The following HS6ST3 variants were observed in gnomAD, a reference collection of about 807,000 sequenced individuals.
HS6ST3 encodes the protein heparan-sulfate 6-O-sulfotransferase 3.
In HS6ST3, 12 loss-of-function variants were observed where a neutral mutation model predicts 36.7. That is an observed-to-expected ratio of 0.33 (90% CI 0.21 to 0.53). The LOEUF is 0.53. Ranked by LOEUF, HS6ST3 falls within the 20% of genes least tolerant of loss-of-function variation. The probability of loss-of-function intolerance (pLI) is 0.95; values close to 1 mark genes in which losing one functional copy is unlikely to be tolerated. For synonymous variants in HS6ST3, 240 were observed against 257.5 expected, an observed-to-expected ratio of 0.93 and a Z score of 0.65; for missense variants, 584 against 640.9, an observed-to-expected ratio of 0.91 and a Z score of 0.96.
intron 1 of HS6ST3, among the ~76,000 whole-genome samples, chr13:96,521,445 G>C (rs1295409225): frequency 2.0e-5 from 3 of 152,064 alleles, no homozygotes; most frequent in Admixed American, 2.0e-4. Context: ...CTCTTTGTAC[G>C]TCTTGTAGAA....
chr13:96,702,424 A>G (rs1875313943), intron 1 of HS6ST3, among the ~76,000 whole-genome samples: 1 of 152,178 alleles, frequency 6.6e-6, no homozygotes, highest in Admixed American at 6.6e-5. Flanking sequence ...TACAGTTGGC[A>G]TTTTTTAAAA....
At chr13:96,149,364 A>G (rs1161188108) in intron 1 of HS6ST3, among the ~76,000 whole-genome samples, 1 of 152,154 alleles carries the variant, frequency 6.6e-6, no homozygotes, top group Non-Finnish European at 1.5e-5. Flanking sequence ...CATTTTTGTA[A>G]TGTCTTCATT....
chr13:96,193,732 G>T (rs1428324227), intron 1 of HS6ST3, among the ~76,000 whole-genome samples: 10 of 152,188 alleles, frequency 6.6e-5, no homozygotes, highest in Non-Finnish European at 1.5e-4. Context: ...GTTGGCAGTT[G>T]CTTTGATAAT....
At chr13:96,791,983 G>A (rs902523960) in intron 1 of HS6ST3, among the ~76,000 whole-genome samples, 2 of 151,820 alleles carry the variant, frequency 1.3e-5, no homozygotes, top group Non-Finnish European at 2.9e-5. Context: ...CATATACATT[G>A]CATTATATAT....
chr13:96,215,697 T>G lies in HS6ST3; in HGVS notation c.707+124128T>G, dbSNP rs543259545. On this transcript the variant is annotated intron_variant, in intron 1 of 1. Transcript: ENST00000376705. Reference sequence around the variant, plus strand: ...TATTTTTTTTTATCAAAGTAATATATGCTTATTGTAGAAGATTTAGAAAAT... The same window carrying G: ...TATTTTTTTTTATCAAAGTAATATAGGCTTATTGTAGAAGATTTAGAAAAT... 2.6e-5 allele frequency among the ~76,000 whole-genome samples: 4 copies of G among 152,254 alleles called. No individual in the cohort carries two copies. In the Middle Eastern group the frequency reaches 0.01, roughly 388 times the overall value.
chr13:96,675,243 T>C (rs2056695308), intron 1 of HS6ST3, among the ~76,000 whole-genome samples: 1 of 152,120 alleles, frequency 6.6e-6, no homozygotes, highest in Non-Finnish European at 1.5e-5. Context: ...CCTAAATCTC[T>C]ATCTAAACCC....
intron 1 of HS6ST3, among the ~76,000 whole-genome samples, chr13:96,556,674 A>AATACTGGT (rs2056242119): frequency 6.6e-6 from 1 of 152,170 alleles, no homozygotes; most frequent in African/African-American, 2.4e-5. Flanking sequence ...AATGCATTTT[A>AATACTGGT]ATACTGGTTG....
intron 1 of HS6ST3, among the ~76,000 whole-genome samples, chr13:96,753,485 T>C (rs889755620): frequency 1.3e-5 from 2 of 152,212 alleles, no homozygotes; most frequent in African/African-American, 4.8e-5. Context: ...TTAAATGTTA[T>C]CTATTTGTTA....
intron 1 of HS6ST3, among the ~76,000 whole-genome samples, chr13:96,253,497 A>G (rs761356925): frequency 7.9e-5 from 12 of 152,110 alleles, no homozygotes; most frequent in Non-Finnish European, 1.8e-4. Flanking sequence ...ATTTTTTTGC[A>G]TCATTGGTAT....
At chr13:96,220,996 T>G (rs979623359) in intron 1 of HS6ST3, among the ~76,000 whole-genome samples, 4 of 152,168 alleles carry the variant, frequency 2.6e-5, no homozygotes, top group Admixed American at 6.6e-5. Context: ...ATTGAACATC[T>G]TAAATATTAT....
chr13:96,409,726 T>C (rs962237596), intron 1 of HS6ST3, among the ~76,000 whole-genome samples: 7 of 152,202 alleles, frequency 4.6e-5, no homozygotes, highest in African/African-American at 1.4e-4. Context: ...CAAGCGGATC[T>C]ATCTATTTTG....
chr13:96,382,180 G>A (rs945286584), intron 1 of HS6ST3, among the ~76,000 whole-genome samples: 3 of 152,126 alleles, frequency 2.0e-5, no homozygotes, highest in South Asian at 2.1e-4. Flanking sequence ...GAGCAGAGTG[G>A]GGAGGGCAAC....
At chr13:96,226,147 T>G (rs1189678714) in intron 1 of HS6ST3, among the ~76,000 whole-genome samples, 1 of 152,190 alleles carries the variant, frequency 6.6e-6, no homozygotes, top group Non-Finnish European at 1.5e-5. Flanking sequence ...ATTTAAATAA[T>G]TTAGAACACT....
At chr13:96,378,204 AAC>A (rs2139444592) in intron 1 of HS6ST3, among the ~76,000 whole-genome samples, 1 of 152,268 alleles carries the variant, frequency 6.6e-6, no homozygotes, top group South Asian at 2.1e-4. Context: ...TCTCCCAGGA[AAC>A]ACAGCAATGA....
chr13:96,558,806 T>C (rs887098324), intron 1 of HS6ST3, among the ~76,000 whole-genome samples: 1 of 152,202 alleles, frequency 6.6e-6, no homozygotes, highest in Non-Finnish European at 1.5e-5. Flanking sequence ...CTTCAGTCAT[T>C]ATAGAAATGT....
chr13:96,555,503 A>C (rs1489332329), intron 1 of HS6ST3, among the ~76,000 whole-genome samples: 1 of 152,162 alleles, frequency 6.6e-6, no homozygotes, highest in African/African-American at 2.4e-5. Flanking sequence ...AATGAGACTA[A>C]AATTATAGCC....
At chr13:96,732,779 A>G (rs929001773) in intron 1 of HS6ST3, among the ~76,000 whole-genome samples, 1 of 152,172 alleles carries the variant, frequency 6.6e-6, no homozygotes, top group Admixed American at 6.5e-5. Flanking sequence ...ATCTTTTACA[A>G]TCCATGAGCA....
At chr13:96,212,145 G>T (rs1342631429) in intron 1 of HS6ST3, among the ~76,000 whole-genome samples, 3 of 152,144 alleles carry the variant, frequency 2.0e-5, no homozygotes, top group Non-Finnish European at 2.9e-5. Context: ...AAGCTTTTTT[G>T]TAGAATTTTT....
chr13:96,337,324 C>G (rs1314852050), intron 1 of HS6ST3, among the ~76,000 whole-genome samples: 2 of 152,196 alleles, frequency 1.3e-5, no homozygotes, highest in Non-Finnish European at 1.5e-5. Context: ...ATCCGCCTGT[C>G]TCGGCCTCCC....
Sources: gnomAD v4.1 joint callset for allele counts (sites outside exome capture counted in the v4.1 genomes callset) on GRCh38, gnomAD v4.1.1 for gene constraint, MANE v1.5 for transcripts, NCBI Gene and HGNC (gene_info 2026-07-23, HGNC 2026-07-21) for gene names.